The following USP37 variants were observed in gnomAD, a reference collection of about 807,000 sequenced individuals.
USP37 encodes the protein ubiquitin carboxyl-terminal hydrolase 37.
Under a neutral mutation model 124.0 loss-of-function variants are expected in USP37, and 27 were observed. The observed-to-expected ratio is 0.22, with a 90% CI of 0.16 to 0.30. The LOEUF is 0.30. Among genes scored for constraint, USP37 ranks in the 10% least tolerant of loss-of-function variants. USP37 has a pLI of 1.00. For synonymous variants in USP37, 365 were observed against 388.0 expected (o/e 0.94, Z 0.70); for missense variants, 889 against 1,140.4 (o/e 0.78, Z 3.17).
chr2:218,547,264 G>A (rs1032613612), intron 6 of USP37, among the ~76,000 whole-genome samples, 173 bp from the exon 7 acceptor site: 2 of 152,130 alleles, frequency 1.3e-5, no homozygotes, highest in African/African-American at 2.4e-5. Context: ...AATAGTTTGA[G>A]GTTATAGTGA....
intron 4 of USP37, among the ~76,000 whole-genome samples, chr2:218,554,460 T>C (rs1386025025): frequency 6.6e-6 from 1 of 152,090 alleles, no homozygotes; most frequent in Admixed American, 6.5e-5. Flanking sequence ...CAAATGGAAG[T>C]AGAAAGCCAG....
chr2:218,531,454 C>A (rs1029850221), intron 9 of USP37, among the ~76,000 whole-genome samples: 7 of 152,212 alleles, frequency 4.6e-5, no homozygotes, highest in Admixed American at 6.5e-5. Context: ...TGCTCCTTGA[C>A]AATGCACCTA....
chr2:218,495,731 AG>A, intron 14 of USP37, 28 bp downstream of exon 14: 2 of 1,569,096 alleles, frequency 1.3e-6, no homozygotes, highest in Non-Finnish European at 1.7e-6. Context: ...AGAAGTAAAA[AG>A]GGAAATCATT....
chr2:218,545,581 T>C (rs1305488278), intron 8 of USP37, among the ~76,000 whole-genome samples: 2 of 152,214 alleles, frequency 1.3e-5, no homozygotes, highest in Admixed American at 6.5e-5. Context: ...TAGTGACCTC[T>C]TGACCTCAAG....
chr2:218,505,264 CT>C (rs1391327911), intron 11 of USP37, among the ~76,000 whole-genome samples: 8 of 152,268 alleles, frequency 5.3e-5, no homozygotes, highest in Non-Finnish European at 7.4e-5. Flanking sequence ...AGTGATCTGC[CT>C]GCCTCAGACT....
chr2:218,480,484 A>G (rs1375091965), intron 17 of USP37, among the ~76,000 whole-genome samples: 1 of 152,112 alleles, frequency 6.6e-6, no homozygotes, highest in African/African-American at 2.4e-5. Context: ...TCCTTGATCC[A>G]ATAATCTACA....
At chr2:218,475,688 C>T (rs1690929682) in intron 19 of USP37, among the ~76,000 whole-genome samples, 1 of 152,136 alleles carries the variant, frequency 6.6e-6, no homozygotes, top group Non-Finnish European at 1.5e-5. Flanking sequence ...TAAGATCACA[C>T]CACTGCACTC....
intron 10 of USP37, among the ~76,000 whole-genome samples, chr2:218,515,031 A>G (rs970320861): frequency 6.6e-6 from 1 of 152,056 alleles, no homozygotes; most frequent in African/African-American, 2.4e-5. Flanking sequence ...ACTTTCTGGC[A>G]CCACAAGATG....
chr2:218,558,182 A>G (rs192759431), intron 4 of USP37, among the ~76,000 whole-genome samples: 2 of 152,192 alleles, frequency 1.3e-5, no homozygotes, highest in Non-Finnish European at 2.9e-5. Context: ...GTTAAGGGGA[A>G]AAAAAGGAAG....
chr2:218,455,109 G>A, intron 25 of USP37, 92 bp from the exon 26 acceptor site: 1 of 1,434,996 alleles, frequency 7.0e-7, no homozygotes, highest in Non-Finnish European at 9.6e-7. Flanking sequence ...AATTGATATG[G>A]ATAAGGCCTT....
intron 20 of USP37, among the ~76,000 whole-genome samples, chr2:218,469,374 T>C (rs542603317): frequency 6.6e-6 from 1 of 152,222 alleles, no homozygotes; most frequent in Non-Finnish European, 1.5e-5. Flanking sequence ...ACTCAACCAA[T>C]CAGATTATCT....
At position 218,558,697 on chromosome 2, in the gene USP37, T is replaced by A; in HGVS notation, c.-24-20A>T. On this transcript the variant is annotated intron_variant, in intron 3 of 25. Coordinates refer to ENST00000258399, the MANE Select transcript of USP37 (RefSeq NM_020935.3). ...TTCTGGCTAAATTAAAAAGCAAAAATATACCTTTACCTGGCAGGTTCTAAG... is the reference window on the plus strand; with the variant it reads ...TTCTGGCTAAATTAAAAAGCAAAAAAATACCTTTACCTGGCAGGTTCTAAG... The A allele has an allele frequency of 6.5e-7, 1 of 1,548,654 alleles. No individual in the cohort carries two copies. Among genetic ancestry groups the A allele is most frequent in the Non-Finnish European group, 8.7e-7 (1 of 1,143,522 alleles).
chr2:218,459,349 C>T (rs937795385), intron 23 of USP37, among the ~76,000 whole-genome samples: 7 of 152,128 alleles, frequency 4.6e-5, no homozygotes, highest in African/African-American at 1.2e-4. Context: ...GGATTACAGG[C>T]GTGTGCCACC....
At chr2:218,552,502 C>T (rs1029179841) in intron 5 of USP37, among the ~76,000 whole-genome samples, 2 of 151,914 alleles carry the variant, frequency 1.3e-5, no homozygotes, top group African/African-American at 4.8e-5. Flanking sequence ...ATCGCTTGGG[C>T]CCAGGAGTTC....
intron 24 of USP37, among the ~76,000 whole-genome samples, chr2:218,456,425 A>G (rs1413449744): frequency 2.6e-5 from 4 of 150,978 alleles, no homozygotes; most frequent in Non-Finnish European, 4.4e-5. Flanking sequence ...GTGCCACTGC[A>G]CTCCAGCCTG....
chr2:218,462,634 G>A (rs1171956016), intron 22 of USP37, among the ~76,000 whole-genome samples: 2 of 152,092 alleles, frequency 1.3e-5, no homozygotes, highest in Non-Finnish European at 2.9e-5. Flanking sequence ...GTTCTTCTAG[G>A]AGTCGTAACA....
chr2:218,541,252 A>G (rs1691955385), intron 8 of USP37, among the ~76,000 whole-genome samples: 1 of 152,194 alleles, frequency 6.6e-6, no homozygotes, highest in Admixed American at 6.5e-5. Context: ...ACCTGAAGTT[A>G]TGGCTGTTAC....
Position 218,498,292 on chromosome 2 carries a change from C to G in USP37, c.1026-135G>C. On this transcript the variant is annotated intron_variant, in intron 11 of 25. Transcript: ENST00000258399. ...AAACTACATATTACTACACCCTAAC[C>G]CCAAGGTTTCTGATTCAGTAGGTTT... 4.6e-6 allele frequency: 4 copies of G among 872,272 alleles called. No individual in the cohort carries two copies. The South Asian group carries it at 1.0e-4, about 23-fold the overall frequency. The allele number at this position is 872,272 out of a possible 1,614,324, so 54.0% of individuals were successfully genotyped here.
At chr2:218,479,764 G>GAT (rs746806558) in intron 17 of USP37, 49 bp from the exon 18 acceptor site, 7 of 1,058,888 alleles carry the variant, frequency 6.6e-6, no homozygotes, top group African/African-American at 5.1e-5. Context: ...AATTATTAAA[G>GAT]ATATATATTT....
Sources: allele counts gnomAD v4.1 joint callset (sites outside exome capture counted in the v4.1 genomes callset), GRCh38; gene constraint gnomAD v4.1.1; transcripts MANE v1.5; gene names NCBI Gene and HGNC (gene_info 2026-07-23, HGNC 2026-07-21).